The following GARRE1 variants were observed in gnomAD, a reference collection of about 807,000 sequenced individuals.
GARRE1 encodes the protein granule associated Rac and RHOG effector 1, also known as granule associated Rac and RHOG effector protein 1.
GARRE1 carries 49 observed loss-of-function variants against 103.2 expected under a neutral mutation model. The observed-to-expected ratio is 0.47, with a 90% CI of 0.38 to 0.60. The LOEUF is 0.60. Among genes scored for constraint, GARRE1 ranks in the 20% least tolerant of loss-of-function variants. The pLI, the probability that GARRE1 is intolerant of heterozygous loss-of-function variation, is 0.00. For missense variants in GARRE1, 1,199 were observed against 1,370.5 expected, an observed-to-expected ratio of 0.87 and a Z score of 1.98; for synonymous variants, 505 against 532.8, an observed-to-expected ratio of 0.95 and a Z score of 0.72.
intron 1 of GARRE1, among the ~76,000 whole-genome samples, chr19:34,290,698 G>A (rs904201028): frequency 6.6e-5 from 10 of 151,570 alleles, no homozygotes; most frequent in Admixed American, 2.0e-4. Flanking sequence ...TGTGTTGCCC[G>A]GGCTGGTCTT....
chr19:34,326,983 T>C (rs1293601353), intron 3 of GARRE1, among the ~76,000 whole-genome samples: 2 of 151,822 alleles, frequency 1.3e-5, no homozygotes, highest in Non-Finnish European at 2.9e-5. Flanking sequence ...CATGAAACCT[T>C]GTCTCTACTA....
rs1404256568 is a variant in GARRE1 at position 34,354,166 on chromosome 19, T to G, written c.*1211T>G. 1 of 152,534 alleles carries G rather than the reference T, an allele frequency of 6.6e-6. No homozygotes were observed. The highest frequency in any genetic ancestry group is 1.5e-5 in the Non-Finnish European group (1 of 68,040). 9.4% of individuals were successfully genotyped at this position (152,534 alleles called of 1,614,324 possible). On this transcript the variant is annotated 3_prime_UTR_variant, in exon 14 of 14. Transcript: ENST00000299505. ...TTCATATTTCATCTTTGAAAAAGTC[T>G]GAGAAAAATCCATAATATTTTCTGG...
intron 12 of GARRE1, 121 bp from the exon 13 acceptor site, chr19:34,351,393 G>C (rs1285821308): frequency 1.3e-6 from 1 of 753,592 alleles, no homozygotes. Flanking sequence ...GACCCAGGCA[G>C]GCCTCCTCCC....
Position 34,300,675 on chromosome 19 carries a change from C to G in GARRE1, c.202C>G (p.Pro68Ala), listed in dbSNP as rs765861221. 1.2e-6 allele frequency: 2 copies of G among 1,614,010 alleles called. No homozygotes were observed. ...TGCAGGCAGCTGCCACCATGCCATG[C>G]CCCACACTACTCCTATCGCCGACAT... ...TAAGSCHHAM[P>A]HTTPIADIQQ... The change falls in exon 2 of 14, where the codon CCC becomes GCC. Residue 68 changes from proline to alanine, a missense_variant. Coordinates refer to ENST00000299505, the MANE Select transcript of GARRE1 (RefSeq NM_014686.5).
intron 1 of GARRE1, among the ~76,000 whole-genome samples, chr19:34,264,946 G>A (rs535795364): frequency 6.6e-6 from 1 of 152,228 alleles, no homozygotes; most frequent in East Asian, 1.9e-4. Flanking sequence ...TCTAGGATTC[G>A]TGCCTAGATA....
At chr19:34,308,488 T>C (rs1017911009) in intron 2 of GARRE1, among the ~76,000 whole-genome samples, 4 of 152,236 alleles carry the variant, frequency 2.6e-5, no homozygotes, top group Non-Finnish European at 5.9e-5. Flanking sequence ...GAATCTGCTA[T>C]TACCTAAATT....
chr19:34,284,958 G>A (rs1432390556), intron 1 of GARRE1, among the ~76,000 whole-genome samples: 1 of 152,156 alleles, frequency 6.6e-6, no homozygotes, highest in Non-Finnish European at 1.5e-5. Context: ...TGGGGAGGCT[G>A]CAGTAGGAGG....
chr19:34,346,319 C>G (rs770216842), intron 10 of GARRE1, among the ~76,000 whole-genome samples: 64 of 152,238 alleles, frequency 4.2e-4, no homozygotes, highest in Non-Finnish European at 7.9e-4. Context: ...ATTTGTACTG[C>G]CCTGTATATC....
chr19:34,349,455 A>G (rs1227215706), intron 12 of GARRE1, among the ~76,000 whole-genome samples: 1 of 152,198 alleles, frequency 6.6e-6, no homozygotes, highest in Non-Finnish European at 1.5e-5. Flanking sequence ...GCGAGTTCTA[A>G]TCTGGACTCA....
chr19:34,281,517 C>G (rs2145222676), intron 1 of GARRE1, among the ~76,000 whole-genome samples: 1 of 152,282 alleles, frequency 6.6e-6, no homozygotes, highest in South Asian at 2.1e-4. Context: ...TCTCAAACCC[C>G]TGACCTTGTG....
chr19:34,327,792 A>G lies in GARRE1; in HGVS notation c.868A>G (p.Ser290Gly). Residue 290 changes from serine (S) to glycine (G), a missense_variant, in exon 5 of 14, where the codon AGC (serine) becomes GGC (glycine). Physicochemically the swap from Ser to Gly is moderately conservative, Grantham distance 56. Coordinates refer to ENST00000299505, the MANE Select transcript of GARRE1 (RefSeq NM_014686.5). ...ALQAYKIALE[S>G]LGHCEYAMKA... ...CCAGGCATATAAGATAGCTCTGGAA[A>G]GCTTAGGACACTGTGAATATGCAAT... 1 of 1,614,068 alleles carries G rather than the reference A, an allele frequency of 6.2e-7. No homozygotes were observed. Among genetic ancestry groups the G allele is most frequent in the Non-Finnish European group, 8.5e-7 (1 of 1,179,952 alleles).
At chr19:34,296,051 C>T (rs2073945029) in intron 1 of GARRE1, among the ~76,000 whole-genome samples, 1 of 152,060 alleles carries the variant, frequency 6.6e-6, no homozygotes, top group Non-Finnish European at 1.5e-5. Flanking sequence ...TATTTCACTG[C>T]TTTGGTTACT....
At chr19:34,281,747 C>A (rs1421283891) in intron 1 of GARRE1, among the ~76,000 whole-genome samples, 1 of 149,166 alleles carries the variant, frequency 6.7e-6, no homozygotes, top group African/African-American at 2.5e-5. Context: ...TGAAATAATT[C>A]TTCTCTGTGT....
chr19:34,283,379 A>G (rs1165503068), intron 1 of GARRE1, among the ~76,000 whole-genome samples: 1 of 152,192 alleles, frequency 6.6e-6, no homozygotes, highest in Non-Finnish European at 1.5e-5. Context: ...TAACTTTTCA[A>G]GACCTTTCCT....
At chr19:34,296,561 A>G (rs2073948814) in intron 1 of GARRE1, 9 of 1,593,668 alleles carry the variant, frequency 5.6e-6, no homozygotes, top group South Asian at 3.3e-5. Context: ...TGGCCTTGGC[A>G]TTGTTGGCCT....
chr19:34,279,984 C>CAA (rs34044474), intron 1 of GARRE1, among the ~76,000 whole-genome samples: 7,482 of 67,314 alleles, frequency 0.11, 479 homozygotes, highest in African/African-American at 0.2. Context: ...GACTCCGTCT[C>CAA]AAAAAAAAAA....
chr19:34,287,439 G>C (rs2073894109), intron 1 of GARRE1, among the ~76,000 whole-genome samples: 1 of 152,168 alleles, frequency 6.6e-6, no homozygotes, highest in Non-Finnish European at 1.5e-5. Flanking sequence ...CTGCAGATGG[G>C]CACCACTGTG....
chr19:34,344,860 G>A (rs1459944447), intron 10 of GARRE1, among the ~76,000 whole-genome samples: 4 of 147,286 alleles, frequency 2.7e-5, no homozygotes, highest in Non-Finnish European at 6.0e-5. Flanking sequence ...TTTTTTATAC[G>A]GAGTCTCGCT....
intron 1 of GARRE1, among the ~76,000 whole-genome samples, chr19:34,292,354 C>T (rs1458772685): frequency 1.3e-5 from 2 of 152,174 alleles, no homozygotes; most frequent in Non-Finnish European, 2.9e-5. Flanking sequence ...GTCTGTACTA[C>T]ATTTGTTTAT....
Sources: allele counts gnomAD v4.1 joint callset (sites outside exome capture counted in the v4.1 genomes callset), GRCh38; gene constraint gnomAD v4.1.1; transcripts MANE v1.5; gene names NCBI Gene and HGNC (gene_info 2026-07-23, HGNC 2026-07-21).